Variants in CLSTN2 observed in about 807,000 individuals in gnomAD.
CLSTN2 encodes the protein calsyntenin 2.
A neutral mutation model predicts 101.2 loss-of-function variants in CLSTN2; 48 were observed. The observed-to-expected ratio is 0.47, with a 90% CI of 0.38 to 0.60. The LOEUF is 0.60. CLSTN2 is among the 20% of genes least tolerant of loss of function. CLSTN2 has a pLI of 0.00. For synonymous variants in CLSTN2, 481 were observed against 463.6 expected (o/e 1.04, Z -0.48); for missense variants, 1,160 against 1,238.2 (o/e 0.94, Z 0.95).
chr3:140,177,540 A>C (rs553615931), intron 2 of CLSTN2, among the ~76,000 whole-genome samples: 1 of 152,270 alleles, frequency 6.6e-6, no homozygotes, highest in Non-Finnish European at 1.5e-5. Context: ...CTGCAACCCC[A>C]GCACTTTGGG....
At chr3:140,139,136 C>T (rs16849957) in intron 1 of CLSTN2, among the ~76,000 whole-genome samples, 3,553 of 152,204 alleles carry the variant, frequency 0.023, 138 homozygotes, top group African/African-American at 0.078. Context: ...CAGTATTTGG[C>T]GGCATTCTAG....
intron 5 of CLSTN2, among the ~76,000 whole-genome samples, chr3:140,431,743 A>G (rs1371313651): frequency 6.6e-6 from 1 of 152,100 alleles, no homozygotes; most frequent in Admixed American, 6.5e-5. Context: ...ACCAGTGGAG[A>G]TGGAGCTAGG....
chr3:140,033,584 A>G (rs950257199), intron 1 of CLSTN2, among the ~76,000 whole-genome samples: 14 of 152,178 alleles, frequency 9.2e-5, no homozygotes, highest in Admixed American at 5.9e-4. Context: ...TACCTTCACT[A>G]CTTCATTCTG....
In CLSTN2 at chr3:140,390,799, T is replaced by C. The variant is rs541272648; in HGVS notation, c.233-12830T>C. ...CCAAACATCTGAGTTATCTCAGGGG[T>C]GACCTCTGTTGTCTTTTTCCCTTAG... On this transcript the variant is annotated intron_variant, in intron 2 of 16. Coordinates refer to ENST00000458420, the MANE Select transcript of CLSTN2 (RefSeq NM_022131.3). Among the ~76,000 whole-genome samples, 75 of 152,346 alleles carry C rather than the reference T, an allele frequency of 4.9e-4. No individual in the cohort carries two copies. In the East Asian group the frequency reaches 9.1e-3, roughly 18 times the overall value.
At chr3:139,983,725 G>A (rs944707829) in intron 1 of CLSTN2, among the ~76,000 whole-genome samples, 5 of 151,874 alleles carry the variant, frequency 3.3e-5, no homozygotes, top group African/African-American at 1.2e-4. Flanking sequence ...AATTTACTAT[G>A]TAGTTTTAGC....
At chr3:140,133,522 C>A (rs2009554521) in intron 1 of CLSTN2, among the ~76,000 whole-genome samples, 1 of 152,142 alleles carries the variant, frequency 6.6e-6, no homozygotes, top group African/African-American at 2.4e-5. Context: ...CTTAGTAAAT[C>A]CATAACCAGG....
chr3:140,474,277 T>C (rs1933927968), intron 8 of CLSTN2, among the ~76,000 whole-genome samples: 1 of 152,028 alleles, frequency 6.6e-6, no homozygotes, highest in African/African-American at 2.4e-5. Context: ...TGTACACCAG[T>C]GTATGATGTC....
intron 1 of CLSTN2, among the ~76,000 whole-genome samples, chr3:140,127,422 G>A (rs1560103179): frequency 6.6e-6 from 1 of 152,088 alleles, no homozygotes; most frequent in Non-Finnish European, 1.5e-5. Context: ...ATACATTTTA[G>A]GTTTAACTAT....
At chr3:140,004,921 A>T (rs2006923781) in intron 1 of CLSTN2, among the ~76,000 whole-genome samples, 1 of 152,202 alleles carries the variant, frequency 6.6e-6, no homozygotes, top group African/African-American at 2.4e-5. Flanking sequence ...CATATTGTCC[A>T]TATAATATGC....
At chr3:140,377,042 A>AGAGAGAGAGAGAGAGAGAGGATG (rs143529942) in intron 2 of CLSTN2, among the ~76,000 whole-genome samples, 3 of 149,688 alleles carry the variant, frequency 2.0e-5, no homozygotes, top group Non-Finnish European at 4.4e-5. Flanking sequence ...GAGAGAGAGG[A>AGAGAGAGAGAGAGAGAGAGGATG]TGTGTGTGTG....
intron 2 of CLSTN2, among the ~76,000 whole-genome samples, chr3:140,384,722 A>G (rs1166574018): frequency 6.6e-6 from 1 of 152,250 alleles, no homozygotes; most frequent in African/African-American, 2.4e-5. Flanking sequence ...ACAGAACAGT[A>G]AAAGAGTCCA....
intron 1 of CLSTN2, among the ~76,000 whole-genome samples, chr3:140,048,594 T>C (rs527325472): frequency 6.6e-6 from 1 of 152,104 alleles, no homozygotes; most frequent in Non-Finnish European, 1.5e-5. Context: ...ATTTTACAAA[T>C]AAAGAAACTG....
At position 140,573,902 on chromosome 3, in the gene CLSTN2, C is replaced by T. The variant is rs1985648685; in HGVS notation, c.*7649C>T. On this transcript the variant is annotated 3_prime_UTR_variant, in exon 17 of 17. Transcript: ENST00000458420. ...CAACACCTCCCCAGAGGCAGGACCC[C>T]GCCCCCATGAGAACATGCAGTTGAA... 6.6e-6 allele frequency: 1 copy of T among 152,524 alleles called. No homozygotes were observed. The highest frequency in any genetic ancestry group is 1.5e-5 in the Non-Finnish European group (1 of 68,338). The allele number at this position is 152,524 out of a possible 1,614,324, so 9.4% of individuals were successfully genotyped here.
At chr3:140,056,908 A>C (rs893930673) in intron 1 of CLSTN2, among the ~76,000 whole-genome samples, 1 of 152,230 alleles carries the variant, frequency 6.6e-6, no homozygotes, top group African/African-American at 2.4e-5. Flanking sequence ...GCCCAAGATT[A>C]CATGGCTTAA....
intron 2 of CLSTN2, among the ~76,000 whole-genome samples, chr3:140,248,230 A>G (rs971660162): frequency 2.0e-5 from 3 of 152,226 alleles, no homozygotes; most frequent in South Asian, 2.1e-4. Context: ...AATAGGATAT[A>G]GGAAAAGCCA....
chr3:140,395,894 T>A (rs1392865209), intron 2 of CLSTN2, among the ~76,000 whole-genome samples: 2 of 152,188 alleles, frequency 1.3e-5, no homozygotes, highest in Non-Finnish European at 2.9e-5. Context: ...TGAGAGCAGA[T>A]GATACCATAA....
chr3:140,430,470 T>C (rs757535289), intron 5 of CLSTN2, among the ~76,000 whole-genome samples: 3 of 152,214 alleles, frequency 2.0e-5, no homozygotes, highest in Non-Finnish European at 4.4e-5. Flanking sequence ...TCTTAGTGCA[T>C]GTAGATAAAG....
chr3:140,069,985 T>C (rs1162687929), intron 1 of CLSTN2, among the ~76,000 whole-genome samples: 1 of 152,166 alleles, frequency 6.6e-6, no homozygotes, highest in Non-Finnish European at 1.5e-5. Flanking sequence ...CTGGAATGCT[T>C]TAGCCTTCAG....
Position 139,950,055 on chromosome 3 carries a change from A to G in CLSTN2, c.109+14572A>G, listed in dbSNP as rs182096293. ...GTTCTGAGCCTACAGCTAGGGAGGC[A>G]GGGCAGCAGGAAGAGGGGCCAACCT... On this transcript the variant is annotated intron_variant, in intron 1 of 16. Transcript: ENST00000458420. Among the ~76,000 whole-genome samples, 8 of 152,352 alleles carry G rather than the reference A, an allele frequency of 5.3e-5. No homozygotes were observed. In the East Asian group the frequency reaches 1.3e-3, roughly 26 times the overall value.
Sources: allele counts gnomAD v4.1 joint callset (sites outside exome capture counted in the v4.1 genomes callset), GRCh38; gene constraint gnomAD v4.1.1; transcripts MANE v1.5; gene names NCBI Gene and HGNC (gene_info 2026-07-23, HGNC 2026-07-21).